NRL: variants seen among roughly 807,000 people sequenced by gnomAD.
NRL encodes the protein neural retina-specific leucine zipper protein.
Under a neutral mutation model 12.5 loss-of-function variants are expected in NRL, and 16 were observed. The observed-to-expected ratio is 1.28, with a 90% CI of 0.87 to 1.95. NRL has a LOEUF of 1.95. Ranked by LOEUF, NRL falls within the 30% of genes most tolerant of loss-of-function variation. The pLI is 0.00. For missense variants in NRL, 314 were observed against 325.8 expected, an observed-to-expected ratio of 0.96 and a Z score of 0.28; for synonymous variants, 142 against 150.9, an observed-to-expected ratio of 0.94 and a Z score of 0.43.
intron 1 of NRL, among the ~76,000 whole-genome samples, chr14:24,102,138 G>T (rs2037185828): frequency 6.6e-6 from 1 of 152,138 alleles, no homozygotes; most frequent in Non-Finnish European, 1.5e-5. Flanking sequence ...TGAGGTAGGA[G>T]AATTGTTTGA....
At position 24,098,305 on chromosome 14, in the gene NRL, G is replaced by A. The variant is rs144449947; in HGVS notation, c.-27-15430C>T. On this transcript the variant is annotated intron_variant, in intron 1 of 2. Coordinates refer to ENST00000561028, the MANE Select transcript of NRL (RefSeq NM_001354768.3). ...ACACGGTACCACTCCCGCCTGGTGG[G>A]GCCCGTGGGCAGCTGGGCAACTGGA... The A allele has an allele frequency of 3.7e-6, 6 of 1,613,980 alleles. No individual in the cohort carries two copies. In the African/African-American group the frequency reaches 8.0e-5, roughly 22 times the overall value.
chr14:24,087,970 G>C (rs1332546140), intron 1 of NRL, among the ~76,000 whole-genome samples: 1 of 152,116 alleles, frequency 6.6e-6, no homozygotes, highest in African/African-American at 2.4e-5. Flanking sequence ...TGAGGGTGCA[G>C]TGGGCCATGA....
At chr14:24,113,487 A>C (rs944959933) in intron 1 of NRL, among the ~76,000 whole-genome samples, 2 of 152,234 alleles carry the variant, frequency 1.3e-5, no homozygotes, top group Non-Finnish European at 2.9e-5. Context: ...ACGGAATCCT[A>C]AAGTCTCAAT....
rs1226575723 is a variant in NRL, at chr14:24,081,582, A to T, written c.382-14T>A. On this transcript the variant is annotated splice_polypyrimidine_tract_variant and intron_variant, in intron 2 of 2. Coordinates refer to ENST00000561028, the MANE Select transcript of NRL (RefSeq NM_001354768.3). This position sits in a 1 kb window ranked among gnomAD's most constrained non-coding sequence, Gnocchi z 4.4. ...CCGCTCTGCCAGCTGCGGAGGGAGA[A>T]TGCAGAAACCGGGTCAGCGCCAGGT... 6.3e-7 allele frequency: 1 copy of T among 1,584,032 alleles called. No individual in the cohort carries two copies. Among genetic ancestry groups the T allele is most frequent in the Admixed American group, 1.8e-5 (1 of 55,224 alleles).
intron 1 of NRL, among the ~76,000 whole-genome samples, chr14:24,095,587 C>G (rs1010910836): frequency 6.6e-6 from 1 of 152,052 alleles, no homozygotes; most frequent in Non-Finnish European, 1.5e-5. Flanking sequence ...GCTCTCTAGG[C>G]ATGTGGCCTC....
At chr14:24,100,651 A>C (rs2037126625) in intron 1 of NRL, 4 of 915,560 alleles carry the variant, frequency 4.4e-6, no homozygotes, top group Non-Finnish European at 5.3e-6. Context: ...ACTATCCATA[A>C]AGTTTGGCCC....
chr14:24,101,951 C>T (rs1173938659), intron 1 of NRL, among the ~76,000 whole-genome samples: 2 of 152,216 alleles, frequency 1.3e-5, no homozygotes, highest in South Asian at 2.1e-4. Flanking sequence ...TCAGGCCAGG[C>T]GCAGTGGCTC....
At position 24,081,188 on chromosome 14, in the gene NRL, G is replaced by A. The variant is rs972422686; in HGVS notation, c.*48C>T. 3 of 1,311,250 alleles carry A rather than the reference G, an allele frequency of 2.3e-6. No homozygotes were observed. In the African/African-American group the frequency reaches 4.6e-5, roughly 20 times the overall value. The allele number at this position is 1,311,250 out of a possible 1,614,324, so 81.2% of individuals were successfully genotyped here. On this transcript the variant is annotated 3_prime_UTR_variant, in exon 3 of 3. Transcript: ENST00000561028. The surrounding 1 kb of genome is among the most constrained non-coding windows in gnomAD (Gnocchi z 4.4). Reference sequence around the variant, plus strand: ...GAACCGTGCAGCCGCCTCCTGGGCGGAGCCACCCCACCCAGCCCCCACTAC... The same window carrying A: ...GAACCGTGCAGCCGCCTCCTGGGCGAAGCCACCCCACCCAGCCCCCACTAC...
rs989959309 is a variant in NRL at position 24,114,859 on chromosome 14, G to A, written c.-165C>T. 35 of 985,822 alleles carry A rather than the reference G, an allele frequency of 3.6e-5. No individual in the cohort carries two copies. The highest frequency in any genetic ancestry group is 6.1e-5 in the Admixed American group (1 of 16,274). 61.1% of individuals were successfully genotyped at this position (985,822 alleles called of 1,614,324 possible). A position where few individuals can be genotyped will look rare whatever the true frequency, so the allele number is the denominator to read the frequency against. ...CGTGACGGAGGAGCGGTTGGCCAAC[G>A]CAGTGGCGGCAGTCGGTGTAAACAA... On this transcript the variant is annotated 5_prime_UTR_variant, in exon 1 of 3. Coordinates refer to ENST00000561028, the MANE Select transcript of NRL (RefSeq NM_001354768.3).
At chr14:24,106,735 T>C (rs930832405) in intron 1 of NRL, among the ~76,000 whole-genome samples, 10 of 143,248 alleles carry the variant, frequency 7.0e-5, no homozygotes, top group African/African-American at 1.1e-4. Context: ...AAAAAATAAA[T>C]AAATAAATAA....
At chr14:24,111,870 T>A (rs1675751381) in intron 1 of NRL, among the ~76,000 whole-genome samples, 1 of 124,986 alleles carries the variant, frequency 8.0e-6, no homozygotes, top group Non-Finnish European at 1.6e-5. Context: ...CTTCCAACAC[T>A]ATGTTGAATA....
intron 1 of NRL, among the ~76,000 whole-genome samples, chr14:24,111,278 T>C (rs569245146): frequency 8.6e-5 from 13 of 151,898 alleles, no homozygotes; most frequent in African/African-American, 2.9e-4. Context: ...CGTGCCCAGC[T>C]CACTTGTGCG....
At chr14:24,100,983 G>A (rs1594304763) in intron 1 of NRL, among the ~76,000 whole-genome samples, 3 of 152,202 alleles carry the variant, frequency 2.0e-5, no homozygotes, top group African/African-American at 7.2e-5. Context: ...CCAAGAGGCA[G>A]GGGCAAAGAA....
intron 1 of NRL, chr14:24,100,544 G>A (rs1385252622): frequency 9.9e-7 from 1 of 1,014,582 alleles, no homozygotes; most frequent in Non-Finnish European, 1.3e-6. Context: ...CAAATACACA[G>A]TAAATTCTCA....
At chr14:24,114,617 G>A (rs1225160744) in intron 1 of NRL, 105 bp downstream of exon 1, 3 of 940,450 alleles carry the variant, frequency 3.2e-6, no homozygotes, top group African/African-American at 1.8e-5. Context: ...CTCTGATTCA[G>A]GAAGCTGGCA....
rs1487471166 is a variant in NRL at position 24,082,477 on chromosome 14, C to A, written c.372G>T (p.Gln124His). ...YPGSPEETGAQHVQLAERFSD... is the reference protein window; with the variant it reads ...YPGSPEETGAHHVQLAERFSD... ...CTTGCTGACCACTCACCTGGACGTG[C>A]TGGGCTCCTGTCTCCTCTGGGCTCC... Residue 124 changes from glutamine to histidine, a missense_variant, in exon 2 of 3, where the codon CAG becomes CAT. Physicochemically the swap from Gln to His is conservative, Grantham distance 24 (BLOSUM62 0). Coordinates refer to ENST00000561028, the MANE Select transcript of NRL (RefSeq NM_001354768.3). 6.2e-7 allele frequency: 1 copy of A among 1,612,606 alleles called. No individual in the cohort carries two copies. Among genetic ancestry groups the A allele is most frequent in the South Asian group, 1.1e-5 (1 of 91,054 alleles).
chr14:24,081,033 G>C lies in NRL; in HGVS notation c.*203C>G, dbSNP rs1435384834. The C allele has an allele frequency of 7.4e-6, 3 of 406,124 alleles. No homozygotes were observed. Among genetic ancestry groups the C allele is most frequent in the African/African-American group, 4.2e-5 (2 of 48,140 alleles). 25.2% of individuals were successfully genotyped at this position (406,124 alleles called of 1,614,324 possible). On this transcript the variant is annotated 3_prime_UTR_variant, in exon 3 of 3. Transcript: ENST00000561028. This position sits in a 1 kb window ranked among gnomAD's most constrained non-coding sequence, Gnocchi z 4.4. ...TGGGTTTCTGTGTTCGTAAGGGGAG[G>C]GGACCCCTCTCCAGAAAATGACCAG...
chr14:24,084,841 T>C (rs2036425982), intron 1 of NRL: 4 of 427,218 alleles, frequency 9.4e-6, no homozygotes, highest in Non-Finnish European at 9.4e-6. Context: ...TCCTCACTGA[T>C]GATCCGACTC....
rs758620885 is a variant in NRL at position 24,082,808 on chromosome 14, T to C, written c.41A>G (p.Asn14Ser). 6.2e-7 allele frequency: 1 copy of C among 1,614,100 alleles called. No homozygotes were observed. Residue 14 changes from asparagine to serine, a missense_variant, in exon 2 of 3, where the codon AAT becomes AGT. Physicochemically the swap from Asn to Ser is conservative, Grantham distance 46 (BLOSUM62 1). Transcript: ENST00000561028. ...PPSPLAMEYVNDFDLMKFEVK... is the reference protein window; with the variant it reads ...PPSPLAMEYVSDFDLMKFEVK... ...CTCAAACTTCATCAAGTCAAAGTCA[T>C]TGACATATTCCATGGCCAGGGGGCT...
Sources: allele counts gnomAD v4.1 joint callset (sites outside exome capture counted in the v4.1 genomes callset), GRCh38; gene constraint gnomAD v4.1.1; non-coding constraint Gnocchi (gnomAD v3.1); transcripts MANE v1.5; gene names NCBI Gene and HGNC (gene_info 2026-07-23, HGNC 2026-07-21).